The following IRS2 variants were observed in gnomAD, a reference collection of about 807,000 sequenced individuals.
IRS2 encodes the protein insulin receptor substrate 2.
In IRS2, 28 loss-of-function variants were observed where a neutral mutation model predicts 70.9. The ratio of observed to expected loss-of-function variants is 0.39; its 90% CI spans 0.29 to 0.54. The LOEUF is 0.54. IRS2 is among the 20% of genes least tolerant of loss of function. The pLI is 0.59. For missense variants in IRS2, 2,081 were observed against 2,024.1 expected (o/e 1.03, Z -0.54); for synonymous variants, 1,217 against 981.9 (o/e 1.24, Z -4.48).
rs113603484 is a variant in IRS2 at position 109,781,722 on chromosome 13, G to A, written c.4012+320C>T. ...CGGGTGCCCCGCGGCCTCTAGTGTG[G>A]CCGGTCTGGGAGAACTTCCACTGTG... On this transcript the variant is annotated intron_variant, in intron 1 of 1. Transcript: ENST00000375856. Among the ~76,000 whole-genome samples the A allele has an allele frequency of 5.3e-5, 8 of 152,272 alleles. No individual in the cohort carries two copies. The East Asian group carries it at 5.8e-4, about 11-fold the overall frequency.
intron 1 of IRS2, among the ~76,000 whole-genome samples, chr13:109,771,746 G>A (rs1333757153): frequency 6.6e-6 from 1 of 152,174 alleles, no homozygotes; most frequent in Non-Finnish European, 1.5e-5. Context: ...CCAAAGGTGT[G>A]GGGTAAGAAA....
chr13:109,783,651 G>A lies in IRS2; in HGVS notation c.2403C>T (p.Cys801=), dbSNP rs2138933282. ...AGGAGCGGGGCAAGGAGCTGTAGCA[G>A]CAGCCGGGAACGCCCCTGAGCGGCT... ...GGEPLRGVPG[C]CYSSLPRSYK... Residue 801 remains cysteine (C), a synonymous_variant, in exon 1 of 2, where the codon TGC becomes TGT. Transcript: ENST00000375856. 10 of 1,554,334 alleles carry A rather than the reference G, an allele frequency of 6.4e-6. No individual in the cohort carries two copies. The highest frequency in any genetic ancestry group is 7.0e-6 in the Non-Finnish European group (8 of 1,148,706).
chr13:109,754,511 A>G lies in IRS2; in HGVS notation c.*1793T>C. ...GATGCCTATTCCCAAAACTAAATAA[A>G]AACTTCAGGATTTTTATACATCTTA... On this transcript the variant is annotated 3_prime_UTR_variant, in exon 2 of 2. Transcript: ENST00000375856. 1 of 91,686 alleles carries G rather than the reference A, an allele frequency of 1.1e-5. No homozygotes were observed. Among genetic ancestry groups the G allele is most frequent in the Non-Finnish European group, 1.9e-5 (1 of 51,792 alleles). 5.7% of individuals were successfully genotyped at this position (91,686 alleles called of 1,614,324 possible). A position where few individuals can be genotyped will look rare whatever the true frequency, so the allele number is the denominator to read the frequency against.
At chr13:109,777,656 T>C (rs1467187996) in intron 1 of IRS2, among the ~76,000 whole-genome samples, 1 of 152,184 alleles carries the variant, frequency 6.6e-6, no homozygotes, top group East Asian at 1.9e-4. Context: ...CAGGGTTCTG[T>C]TTTTCTTTCA....
chr13:109,768,807 T>TG (rs1212012263), intron 1 of IRS2, among the ~76,000 whole-genome samples: 1 of 152,072 alleles, frequency 6.6e-6, no homozygotes, highest in Admixed American at 6.5e-5. Flanking sequence ...CTCTACAGAC[T>TG]GGGAAAGTTT....
intron 1 of IRS2, among the ~76,000 whole-genome samples, chr13:109,759,481 G>A (rs1057328523): frequency 6.6e-6 from 1 of 152,180 alleles, no homozygotes; most frequent in African/African-American, 2.4e-5. Flanking sequence ...CAGATGACTA[G>A]GACCTGCCAG....
Position 109,755,032 on chromosome 13 carries a change from T to C in IRS2, c.*1272A>G, listed in dbSNP as rs1877071919. ...GCCGGTCAAGTTCAGCAGTTTTAGGTAACATCTGCGAGAACTGCCACACAC... is the reference window on the plus strand; with the variant it reads ...GCCGGTCAAGTTCAGCAGTTTTAGGCAACATCTGCGAGAACTGCCACACAC... On this transcript the variant is annotated 3_prime_UTR_variant, in exon 2 of 2. Transcript: ENST00000375856. The C allele has an allele frequency of 8.8e-6, 2 of 227,434 alleles. No homozygotes were observed. Among genetic ancestry groups the C allele is most frequent in the African/African-American group, 4.4e-5 (2 of 45,024 alleles). 14.1% of individuals were successfully genotyped at this position (227,434 alleles called of 1,614,324 possible).
chr13:109,760,540 G>A (rs1487183065), intron 1 of IRS2, among the ~76,000 whole-genome samples: 1 of 152,212 alleles, frequency 6.6e-6, no homozygotes, highest in Non-Finnish European at 1.5e-5. Context: ...TGTTCCATGT[G>A]ACATGTCGTG....
chr13:109,782,673 CG>C lies in IRS2; in HGVS notation c.3380del (p.Pro1127ArgfsTer132). 1 of 1,572,966 alleles carries C rather than the reference CG, an allele frequency of 6.4e-7. No homozygotes were observed. The highest frequency in any genetic ancestry group is 8.6e-7 in the Non-Finnish European group (1 of 1,161,118). On this transcript the variant is annotated frameshift_variant, in exon 1 of 2. Coordinates refer to ENST00000375856, the MANE Select transcript of IRS2 (RefSeq NM_003749.3). LOFTEE classifies it high-confidence loss of function. ...TGACCTTGGCGCCGCGGTGGGGGTC[CG>C]GGGGCTGGCTGGCCTGCAGGAAGGC... ...VEAFLQASQPPDPHRGAKVIR... is the reference protein window; with the variant it reads ...VEAFLQASQPXDPHRGAKVIR...
rs2138933333 is a variant in IRS2, at chr13:109,783,670, A to G, written c.2384T>C (p.Leu795Pro). The G allele has an allele frequency of 6.4e-7, 1 of 1,557,700 alleles. No individual in the cohort carries two copies. Among genetic ancestry groups the G allele is most frequent in the Non-Finnish European group, 8.7e-7 (1 of 1,150,850 alleles). ...GTAGCAGCAGCCGGGAACGCCCCTGAGCGGCTCCCCGCCGGGGTGCAGGGC... is the reference window on the plus strand; with the variant it reads ...GTAGCAGCAGCCGGGAACGCCCCTGGGCGGCTCCCCGCCGGGGTGCAGGGC... ...SAALHPGGEPLRGVPGCCYSS... is the reference protein window; with the variant it reads ...SAALHPGGEPPRGVPGCCYSS... Residue 795 changes from leucine (L) to proline (P), a missense_variant, in exon 1 of 2, where the codon CTC becomes CCC. Physicochemically the swap from Leu to Pro is moderately conservative, Grantham distance 98. Coordinates refer to ENST00000375856, the MANE Select transcript of IRS2 (RefSeq NM_003749.3).
chr13:109,767,728 CTTTTT>C (rs748211544), intron 1 of IRS2, among the ~76,000 whole-genome samples: 1 of 119,786 alleles, frequency 8.3e-6, no homozygotes. Context: ...ACCATTTTTC[CTTTTT>C]TTTTTTTTTT....
At chr13:109,769,633 G>A (rs1170015442) in intron 1 of IRS2, among the ~76,000 whole-genome samples, 1 of 152,076 alleles carries the variant, frequency 6.6e-6, no homozygotes, top group Admixed American at 6.6e-5. Flanking sequence ...TTCACCACCT[G>A]TAGTGCTTCA....
chr13:109,780,482 C>T (rs1877671687), intron 1 of IRS2, among the ~76,000 whole-genome samples: 1 of 152,228 alleles, frequency 6.6e-6, no homozygotes, highest in Non-Finnish European at 1.5e-5. Context: ...TTCTCTGTGA[C>T]TCTTCATCTT....
rs146135959 is a variant in IRS2, at chr13:109,756,637, T to C, written c.4013-329A>G. On this transcript the variant is annotated intron_variant, in intron 1 of 1. Transcript: ENST00000375856. ...AGAAAAAGAAGGGCCAGTTCCTAGG[T>C]TGCACTGCGTGTCTGTGTGATGGAA... Among the ~76,000 whole-genome samples the C allele has an allele frequency of 1.4e-4, 22 of 152,330 alleles. No individual in the cohort carries two copies. In the East Asian group the frequency reaches 3.9e-3, roughly 27 times the overall value.
chr13:109,783,486 G>C lies in IRS2; in HGVS notation c.2568C>G (p.Ala856=), dbSNP rs1349975483. The C allele has an allele frequency of 3.2e-6, 5 of 1,543,808 alleles. No homozygotes were observed. In the East Asian group the frequency reaches 7.3e-5, roughly 23 times the overall value. ...GPSQAASAFG[A]GPTQPPHPVV... is the part of the protein sequence containing the mutation. ...CAGGGTGAGGGGGCTGCGTGGGGCCGGCCCCGAAGGCGCTGGCCGCCTGGC... is the reference window on the plus strand; with the variant it reads ...CAGGGTGAGGGGGCTGCGTGGGGCCCGCCCCGAAGGCGCTGGCCGCCTGGC... The change falls in exon 1 of 2, where the codon GCC becomes GCG. Residue 856 remains alanine, a synonymous_variant. Coordinates refer to ENST00000375856, the MANE Select transcript of IRS2 (RefSeq NM_003749.3).
In IRS2 at chr13:109,783,522, C is replaced by G; in HGVS notation, c.2532G>C (p.Thr844=). The change falls in exon 1 of 2, where the codon ACG becomes ACC. Residue 844 remains threonine (T), a synonymous_variant. Coordinates refer to ENST00000375856, the MANE Select transcript of IRS2 (RefSeq NM_003749.3). ...CGCTGGCCGCCTGGCTGGGCCCTGG[C>G]GTGGCCTGAGGCTCCAGACGCTCCT... ...LEEERLEPQA[T]PGPSQAASAF... is the part of the protein sequence containing the mutation. 23 of 1,548,376 alleles carry G rather than the reference C, an allele frequency of 1.5e-5. No homozygotes were observed. The highest frequency in any genetic ancestry group is 2.0e-5 in the Non-Finnish European group (23 of 1,146,430).
chr13:109,782,448 G>C lies in IRS2; in HGVS notation c.3606C>G (p.Thr1202=), dbSNP rs553979321. 3.6e-5 allele frequency: 57 copies of C among 1,579,704 alleles called. No individual in the cohort carries two copies. The African/African-American group carries it at 6.1e-4, about 17-fold the overall frequency. Residue 1202 remains threonine, a synonymous_variant, in exon 1 of 2, where the codon ACC becomes ACG. Transcript: ENST00000375856. ...VGPGGGDEPP[T]SPRQLQPAPP... ...GCGCCGGCTGCAACTGTCGTGGGGA[G>C]GTGGGCGGCTCGTCGCCCCCTCCAG...
rs1339500370 is a variant in IRS2, at chr13:109,784,090, G to A, written c.1964C>T (p.Pro655Leu). 3.1e-6 allele frequency: 5 copies of A among 1,589,936 alleles called. No homozygotes were observed. The highest frequency in any genetic ancestry group is 4.3e-6 in the Non-Finnish European group (5 of 1,175,396). Residue 655 changes from proline to leucine, a missense_variant, in exon 1 of 2, where the codon CCC becomes CTC. Pro to Leu is a moderately conservative substitution (Grantham distance 98, BLOSUM62 -3). Coordinates refer to ENST00000375856, the MANE Select transcript of IRS2 (RefSeq NM_003749.3). This position sits in a 1 kb window ranked among gnomAD's most constrained non-coding sequence, Gnocchi z 5.2. Reference protein sequence around the residue: ...SNLGADDGYMPMTPGAALAGS... With the variant: ...SNLGADDGYMLMTPGAALAGS... ...CGCGAGGGCCGCGCCGGGCGTCATGGGCATGTAGCCGTCGTCTGCCCCCAG... is the reference window on the plus strand; with the variant it reads ...CGCGAGGGCCGCGCCGGGCGTCATGAGCATGTAGCCGTCGTCTGCCCCCAG...
rs1459672577 is a variant in IRS2, at chr13:109,785,844, C to T, written c.210G>A (p.Pro70=). The T allele has an allele frequency of 5.2e-6, 8 of 1,529,392 alleles. No homozygotes were observed. The East Asian group carries it at 2.0e-4, about 38-fold the overall frequency. The allele number at this position is 1,529,392 out of a possible 1,614,324, so 94.7% of individuals were successfully genotyped here. Residue 70 remains proline (P), a synonymous_variant, in exon 1 of 2, where the codon CCG becomes CCA. Coordinates refer to ENST00000375856, the MANE Select transcript of IRS2 (RefSeq NM_003749.3). This position sits in a 1 kb window ranked among gnomAD's most constrained non-coding sequence, Gnocchi z 9.3. ...CGCTCTCGTAGTACTCGAGCCGCGGCGGTTGCGGCGCCGACCCCCCGCCCG... is the reference window on the plus strand; with the variant it reads ...CGCTCTCGTAGTACTCGAGCCGCGGTGGTTGCGGCGCCGACCCCCCGCCCG... ...ATAGGGSAPQ[P]PRLEYYESEK...
Sources: allele counts gnomAD v4.1 joint callset (sites outside exome capture counted in the v4.1 genomes callset), GRCh38; gene constraint gnomAD v4.1.1; non-coding constraint Gnocchi (gnomAD v3.1); transcripts MANE v1.5; gene names NCBI Gene and HGNC (gene_info 2026-07-23, HGNC 2026-07-21).